Variants in RARS2 observed in about 807,000 individuals in gnomAD.
RARS2 encodes arginyl-tRNA synthetase 2, mitochondrial.
In RARS2, 67 loss-of-function variants were observed where a neutral mutation model predicts 88.5. The ratio of observed to expected loss-of-function variants is 0.76; its 90% confidence interval spans 0.62 to 0.93. The LOEUF (loss-of-function observed/expected upper bound fraction) is 0.93, where lower values mean the gene tolerates loss of function less well. RARS2 is among the 40% of genes least tolerant of loss of function. The probability of loss-of-function intolerance (pLI) is 0.00; values close to 1 mark genes in which losing one functional copy is unlikely to be tolerated. For synonymous variants in RARS2, 239 were observed against 230.3 expected (o/e 1.04, Z -0.34); for missense variants, 664 against 684.2 (o/e 0.97, Z 0.33).
intron 1 of RARS2, among the ~76,000 whole-genome samples, chr6:87,579,721 T>TG (rs1772826844): frequency 9.0e-6 from 1 of 110,996 alleles, no homozygotes; most frequent in Non-Finnish European, 1.9e-5. Flanking sequence ...GCATGTTTTT[T>TG]TTTTTTTTTT....
intron 1 of RARS2, among the ~76,000 whole-genome samples, chr6:87,569,864 C>A: frequency 2.1e-5 from 3 of 143,666 alleles, no homozygotes; most frequent in African/African-American, 2.6e-5. Flanking sequence ...AACTGTTTAG[C>A]AAAAAGAATG....
intron 6 of RARS2, among the ~76,000 whole-genome samples, chr6:87,547,061 A>G (rs1228126571): frequency 6.6e-6 from 1 of 152,230 alleles, no homozygotes; most frequent in Non-Finnish European, 1.5e-5. Context: ...TTCTTCATCC[A>G]TAAACCAGAG....
intron 5 of RARS2, 73 bp downstream of exon 5, chr6:87,555,335 A>T: frequency 2.6e-6 from 3 of 1,171,202 alleles, no homozygotes; most frequent in Non-Finnish European, 2.6e-6. Context: ...AAGACCCCCA[A>T]ATAATGATGG....
intron 1 of RARS2, among the ~76,000 whole-genome samples, chr6:87,574,887 CAGA>C (rs1204074558): frequency 2.0e-5 from 3 of 151,558 alleles, no homozygotes; most frequent in African/African-American, 7.3e-5. Flanking sequence ...TACTATGACA[CAGA>C]AGAACTAATC....
chr6:87,525,834 C>G (rs1365030338), intron 10 of RARS2, among the ~76,000 whole-genome samples: 1 of 152,066 alleles, frequency 6.6e-6, no homozygotes, highest in South Asian at 2.1e-4. Context: ...GCGTGAGCCA[C>G]CGCGCCCAGC....
chr6:87,532,168 T>G (rs1777732607), intron 8 of RARS2, among the ~76,000 whole-genome samples: 1 of 152,200 alleles, frequency 6.6e-6, no homozygotes, highest in Non-Finnish European at 1.5e-5. Context: ...ATTACTGGAA[T>G]GACAGACTTA....
chr6:87,589,018 G>T (rs948803916), intron 1 of RARS2, among the ~76,000 whole-genome samples: 3 of 152,120 alleles, frequency 2.0e-5, no homozygotes, highest in Non-Finnish European at 4.4e-5. Flanking sequence ...TAAACATAAA[G>T]ACAAGGCAGA....
At chr6:87,560,088 T>C (rs1787370547) in intron 4 of RARS2, among the ~76,000 whole-genome samples, 1 of 152,252 alleles carries the variant, frequency 6.6e-6, no homozygotes, top group Admixed American at 6.5e-5. Context: ...TGGACACATT[T>C]CTATGAATGT....
intron 8 of RARS2, among the ~76,000 whole-genome samples, chr6:87,536,766 A>T (rs1273232585): frequency 2.0e-5 from 3 of 152,208 alleles, no homozygotes; most frequent in Admixed American, 6.5e-5. Context: ...AAATAAAAAA[A>T]ATATATTAGT....
intron 1 of RARS2, among the ~76,000 whole-genome samples, chr6:87,585,601 G>A (rs987084426): frequency 1.6e-4 from 25 of 152,106 alleles, no homozygotes; most frequent in African/African-American, 5.5e-4. Context: ...GTGTGGTGGC[G>A]GGCACCTGTA....
chr6:87,531,018 A>G, intron 8 of RARS2, 76 bp from the exon 9 acceptor site: 2 of 1,591,216 alleles, frequency 1.3e-6, no homozygotes, highest in Non-Finnish European at 1.7e-6. Context: ...AAAGCAAAAA[A>G]AGCACATTCT....
At chr6:87,575,224 A>AACACAC (rs1562251525) in intron 1 of RARS2, among the ~76,000 whole-genome samples, 2 of 84,898 alleles carry the variant, frequency 2.4e-5, no homozygotes, top group Non-Finnish European at 4.9e-5. Context: ...AAAAATAGAA[A>AACACAC]GCACACACAC....
At chr6:87,553,629 A>G (rs548955530) in intron 5 of RARS2, among the ~76,000 whole-genome samples, 2 of 152,326 alleles carry the variant, frequency 1.3e-5, no homozygotes, top group Admixed American at 6.5e-5. Context: ...GATGTTGCCT[A>G]TGGGCTTAGG....
intron 10 of RARS2, among the ~76,000 whole-genome samples, chr6:87,526,763 C>G (rs538334648): frequency 6.6e-6 from 1 of 151,320 alleles, no homozygotes; most frequent in African/African-American, 2.4e-5. Flanking sequence ...CTCTGCCTCC[C>G]GGGTTCAAGT....
At chr6:87,587,565 A>G (rs1472816568) in intron 1 of RARS2, among the ~76,000 whole-genome samples, 2 of 152,322 alleles carry the variant, frequency 1.3e-5, no homozygotes, top group East Asian at 1.9e-4. Flanking sequence ...ATCTAATTTT[A>G]AAGTTAGAGT....
intron 2 of RARS2, among the ~76,000 whole-genome samples, chr6:87,566,283 T>C (rs145865210): frequency 1.3e-3 from 194 of 152,362 alleles, no homozygotes; most frequent in African/African-American, 3.9e-3. Flanking sequence ...TCTTATGTTT[T>C]TCTATGTAGT....
chr6:87,526,913 C>T (rs1456522969), intron 10 of RARS2, among the ~76,000 whole-genome samples: 2 of 151,868 alleles, frequency 1.3e-5, no homozygotes, highest in Admixed American at 6.5e-5. Context: ...TCAGGTGATC[C>T]GCCCACCTCA....
chr6:87,545,722 GTT>G, intron 6 of RARS2, 23 bp from the exon 7 acceptor site: 1 of 1,606,564 alleles, frequency 6.2e-7, no homozygotes, highest in Non-Finnish European at 8.5e-7. Context: ...AAAGTATATA[GTT>G]TCTCATTCTT....
chr6:87,526,232 T>C (rs537589236), intron 10 of RARS2, among the ~76,000 whole-genome samples: 2 of 152,236 alleles, frequency 1.3e-5, no homozygotes, highest in African/African-American at 2.4e-5. Context: ...AGAATAAAGT[T>C]GGGCCAGCTG....
Sources: gnomAD v4.1 joint callset for allele counts (sites outside exome capture counted in the v4.1 genomes callset) on GRCh38, gnomAD v4.1.1 for gene constraint, MANE v1.5 for transcripts, NCBI Gene and HGNC (gene_info 2026-07-23, HGNC 2026-07-21) for gene names.